HERC4: variants seen among roughly 807,000 people sequenced by gnomAD.
HERC4 encodes the protein probable E3 ubiquitin-protein ligase HERC4.
A neutral mutation model predicts 124.3 loss-of-function variants in HERC4; 28 were observed. That is an observed-to-expected ratio of 0.23 (90% CI 0.17 to 0.31). The LOEUF (loss-of-function observed/expected upper bound fraction) is 0.31. Ranked by LOEUF, HERC4 falls within the 10% of genes least tolerant of loss-of-function variation. The pLI is 1.00. For synonymous variants in HERC4, 407 were observed against 421.5 expected, an observed-to-expected ratio of 0.97 and a Z score of 0.42; for missense variants, 713 against 1,229.3, an observed-to-expected ratio of 0.58 and a Z score of 6.28.
chr10:67,953,196 A>G (rs2033921847), intron 19 of HERC4, among the ~76,000 whole-genome samples: 1 of 152,190 alleles, frequency 6.6e-6, no homozygotes, highest in South Asian at 2.1e-4. Context: ...TAGGCATTTT[A>G]TATTATTGTA....
At chr10:67,955,888 C>G (rs2034113404) in intron 17 of HERC4, 1 of 152,176 alleles carries the variant, frequency 6.6e-6, no homozygotes, top group South Asian at 2.1e-4. Context: ...TTGACTTTTA[C>G]CATTTAAAAC....
chr10:67,943,751 C>T (rs1265581132), intron 19 of HERC4, among the ~76,000 whole-genome samples: 1 of 152,196 alleles, frequency 6.6e-6, no homozygotes, highest in Non-Finnish European at 1.5e-5. Flanking sequence ...CAGAACACTA[C>T]TAAAACACAG....
At chr10:68,009,457 A>T (rs967775011) in intron 9 of HERC4, among the ~76,000 whole-genome samples, 1 of 149,774 alleles carries the variant, frequency 6.7e-6, no homozygotes, top group South Asian at 2.1e-4. Flanking sequence ...ATTGTATCTT[A>T]AAAAAAAAAT....
At chr10:68,073,435 T>A (rs1026371159) in intron 2 of HERC4, among the ~76,000 whole-genome samples, 4 of 152,228 alleles carry the variant, frequency 2.6e-5, no homozygotes, top group Admixed American at 2.6e-4. Context: ...TTAACTAGTT[T>A]TGACTTCTGG....
chr10:68,044,699 AAC>A (rs2039931436), intron 3 of HERC4, 136 bp from the exon 4 acceptor site: 1 of 729,886 alleles, frequency 1.4e-6, no homozygotes, highest in Middle Eastern at 3.1e-4. Context: ...GAAATGCTTA[AAC>A]ACACACTAGA....
At position 67,923,062 on chromosome 10, in the gene HERC4, C is replaced by T; in HGVS notation, c.3019G>A (p.Gly1007Ser). The T allele has an allele frequency of 6.2e-7, 1 of 1,613,782 alleles. No individual in the cohort carries two copies. The highest frequency in any genetic ancestry group is 8.5e-7 in the Non-Finnish European group (1 of 1,179,760). Residue 1007 changes from glycine to serine, a missense_variant, in exon 25 of 25, where the codon GGT becomes AGT. By Grantham distance (56) the Gly-to-Ser change is moderately conservative. Transcript: ENST00000373700. Reference protein sequence around the residue: ...LKLVIQSTGGGEEYLPVSHTC... With the variant: ...LKLVIQSTGGSEEYLPVSHTC... The stretch of plus-strand genomic sequence containing the variant: ...TGGGAAACTGGGAGATACTCCTCAC[C>T]ACCTCCTGTGGACTGGATGACTAGT...
intron 10 of HERC4, 35 bp downstream of exon 10, chr10:67,992,571 G>T: frequency 8.1e-7 from 1 of 1,228,636 alleles, no homozygotes; most frequent in Admixed American, 2.3e-5. Flanking sequence ...AAAATTATTG[G>T]AGCTATTTAA....
chr10:67,949,114 A>AATAAG (rs952677041), intron 19 of HERC4, among the ~76,000 whole-genome samples: 2 of 150,006 alleles, frequency 1.3e-5, no homozygotes, highest in African/African-American at 2.5e-5. Flanking sequence ...AATAAAATAA[A>AATAAG]AATACAAAAA....
intron 7 of HERC4, among the ~76,000 whole-genome samples, chr10:68,028,044 C>T (rs2038997100): frequency 6.7e-6 from 1 of 148,308 alleles, no homozygotes; most frequent in Admixed American, 6.7e-5. Context: ...CCTGATACAT[C>T]CCCATTAGGT....
chr10:67,957,054 G>T, intron 16 of HERC4, 78 bp from the exon 17 acceptor site: 1 of 720,650 alleles, frequency 1.4e-6, no homozygotes, highest in Non-Finnish European at 2.2e-6. Flanking sequence ...TTCTTATAAA[G>T]TGGACTACAT....
intron 23 of HERC4, among the ~76,000 whole-genome samples, chr10:67,929,601 A>T (rs953727132): frequency 1.3e-5 from 2 of 151,552 alleles, no homozygotes; most frequent in Non-Finnish European, 2.9e-5. Flanking sequence ...TGCAGCCTCT[A>T]CCTCCCGGGC....
chr10:67,952,734 T>G (rs183109142), intron 19 of HERC4, among the ~76,000 whole-genome samples: 41 of 151,540 alleles, frequency 2.7e-4, no homozygotes, highest in Non-Finnish European at 4.7e-4. Flanking sequence ...CCGTCTCTAC[T>G]AAAAATATAA....
In HERC4 at chr10:68,073,691, A is replaced by G. The variant is rs2041675256; in HGVS notation, c.-108-5T>C. 1.3e-5 allele frequency: 2 copies of G among 152,352 alleles called. No homozygotes were observed. Among genetic ancestry groups the G allele is most frequent in the South Asian group, 4.1e-4 (2 of 4,820 alleles). 9.4% of individuals were successfully genotyped at this position (152,352 alleles called of 1,614,324 possible). ...AACAGAAAATGGAGTTCTTATCTGTAACAGAAATAAAACCAATAATGGAAA... is the reference window on the plus strand; with the variant it reads ...AACAGAAAATGGAGTTCTTATCTGTGACAGAAATAAAACCAATAATGGAAA... On this transcript the variant is annotated splice_polypyrimidine_tract_variant and splice_region_variant and intron_variant, in intron 1 of 24. Transcript: ENST00000373700.
intron 15 of HERC4, among the ~76,000 whole-genome samples, chr10:67,972,172 C>A (rs2035275540): frequency 6.7e-6 from 1 of 148,194 alleles, no homozygotes; most frequent in South Asian, 2.2e-4. Flanking sequence ...CAAGGTCTCA[C>A]CATTGCACTC....
rs759432031 is a variant in HERC4 at position 68,072,938 on chromosome 10, T to C, written c.171A>G (p.Thr57=). The change falls in exon 3 of 25, where the codon ACA becomes ACG. Residue 57 remains threonine (T), a synonymous_variant. Transcript: ENST00000373700. ...VFVLDDGTVY[T]CGCNDLGQLG... ...GCTGTCCTAGATCATTACATCCACA[T>C]GTGTACACTGTTCCATCATCCAGAA... The C allele has an allele frequency of 6.2e-7, 1 of 1,614,088 alleles. No individual in the cohort carries two copies. Among genetic ancestry groups the C allele is most frequent in the Non-Finnish European group, 8.5e-7 (1 of 1,179,946 alleles).
intron 17 of HERC4, chr10:67,956,669 T>A: frequency 2.8e-6 from 1 of 354,356 alleles, no homozygotes. Flanking sequence ...ATAAAATGAT[T>A]ATAGGTTAAG....
At chr10:67,975,281 A>C (rs2035517941) in intron 15 of HERC4, among the ~76,000 whole-genome samples, 1 of 152,210 alleles carries the variant, frequency 6.6e-6, no homozygotes, top group Non-Finnish European at 1.5e-5. Flanking sequence ...TCTCATTTAA[A>C]CAGTCTTATG....
At chr10:68,056,253 T>C (rs1207357457) in intron 3 of HERC4, among the ~76,000 whole-genome samples, 31 of 152,228 alleles carry the variant, frequency 2.0e-4, no homozygotes, top group Non-Finnish European at 5.9e-5. Flanking sequence ...TTTAAATTTT[T>C]CGCTCTAATG....
chr10:68,038,514 T>A (rs2039594041), intron 4 of HERC4: 1 of 168,774 alleles, frequency 5.9e-6, no homozygotes, highest in Non-Finnish European at 1.3e-5. Flanking sequence ...AGCTTACAGT[T>A]AGAAACTTGG....
Sources: gnomAD v4.1 joint callset for allele counts (sites outside exome capture counted in the v4.1 genomes callset) on GRCh38, gnomAD v4.1.1 for gene constraint, MANE v1.5 for transcripts, NCBI Gene and HGNC (gene_info 2026-07-23, HGNC 2026-07-21) for gene names.